Variants in CRTC3 observed in about 807,000 individuals in gnomAD.
CRTC3 encodes CREB regulated transcription coactivator 3, also known as CREB-regulated transcription coactivator 3.
In CRTC3, 26 loss-of-function variants were observed where a neutral mutation model predicts 74.5. The ratio of observed to expected loss-of-function variants is 0.35; its 90% CI spans 0.26 to 0.48. CRTC3 has a LOEUF of 0.48. Ranked by LOEUF, CRTC3 falls within the 20% of genes least tolerant of loss-of-function variation. The pLI is 0.99. For missense variants in CRTC3, 760 were observed against 787.3 expected (o/e 0.97, Z 0.41); for synonymous variants, 377 against 325.8 (o/e 1.16, Z -1.69).
chr15:90,556,958 CTATATATATA>C (rs6145675), intron 2 of CRTC3, among the ~76,000 whole-genome samples: 406 of 130,524 alleles, frequency 3.1e-3, no homozygotes, highest in African/African-American at 0.01. Context: ...CACCACATGG[CTATATATATA>C]TATATATATA....
intron 5 of CRTC3, among the ~76,000 whole-genome samples, chr15:90,606,412 G>T (rs1469390902): frequency 6.6e-6 from 1 of 151,746 alleles, no homozygotes; most frequent in African/African-American, 2.4e-5. Context: ...AAATACAAAA[G>T]TTAGCTGGGC....
chr15:90,574,669 A>G (rs1046947236), intron 2 of CRTC3, among the ~76,000 whole-genome samples: 1 of 152,186 alleles, frequency 6.6e-6, no homozygotes, highest in Non-Finnish European at 1.5e-5. Context: ...TCTCTGCTGT[A>G]TATGAAAGTG....
At chr15:90,573,447 C>T (rs1022734640) in intron 2 of CRTC3, among the ~76,000 whole-genome samples, 3 of 152,166 alleles carry the variant, frequency 2.0e-5, no homozygotes, top group African/African-American at 7.2e-5. Context: ...TGGCCTTAAT[C>T]ATGCCAAGAT....
intron 2 of CRTC3, among the ~76,000 whole-genome samples, chr15:90,574,077 T>G (rs905296074): frequency 2.0e-5 from 3 of 152,242 alleles, no homozygotes; most frequent in African/African-American, 7.2e-5. Context: ...CACCTTTATC[T>G]GTTTTAAAAA....
chr15:90,587,855 C>T (rs1967702308), intron 2 of CRTC3, among the ~76,000 whole-genome samples: 1 of 151,904 alleles, frequency 6.6e-6, no homozygotes, highest in Admixed American at 6.5e-5. Context: ...CTCAAATGAT[C>T]CACCCACATC....
At chr15:90,607,023 C>T (rs934419055) in intron 5 of CRTC3, among the ~76,000 whole-genome samples, 1 of 122,936 alleles carries the variant, frequency 8.1e-6, no homozygotes, top group Non-Finnish European at 1.7e-5. Context: ...TGGAGAAAAC[C>T]TAGTGCAGCC....
At chr15:90,592,274 A>T (rs1967818110) in intron 2 of CRTC3, among the ~76,000 whole-genome samples, 3 of 152,220 alleles carry the variant, frequency 2.0e-5, no homozygotes. Flanking sequence ...GAGGTGATGG[A>T]TATGTTAATA....
In CRTC3 at chr15:90,529,936, C is replaced by T. The variant is rs1156240190; in HGVS notation, c.-136C>T. The T allele has an allele frequency of 1.7e-6, 1 of 573,710 alleles. No individual in the cohort carries two copies. The highest frequency in any genetic ancestry group is 2.3e-6 in the Non-Finnish European group (1 of 444,068). The allele number at this position is 573,710 out of a possible 1,614,324, so 35.5% of individuals were successfully genotyped here. ...CGGCCGCTCGCTGGCTCCGGGGCCGCGGCGGCTCCTCTGCCGGGTCGCGCC... is the reference window on the plus strand; with the variant it reads ...CGGCCGCTCGCTGGCTCCGGGGCCGTGGCGGCTCCTCTGCCGGGTCGCGCC... On this transcript the variant is annotated 5_prime_UTR_variant, in exon 1 of 15. Transcript: ENST00000268184.
chr15:90,636,402 T>G (rs530590729), intron 11 of CRTC3, among the ~76,000 whole-genome samples: 299 of 147,184 alleles, frequency 2.0e-3, no homozygotes, highest in African/African-American at 7.3e-3. Flanking sequence ...ATACAAAAAT[T>G]AATTCAAGAT....
intron 6 of CRTC3, 72 bp from the exon 7 acceptor site, chr15:90,614,381 G>A: frequency 9.0e-7 from 1 of 1,112,804 alleles, no homozygotes; most frequent in Admixed American, 2.0e-5. Context: ...AAGAGTTACT[G>A]ATTCATAAAT....
chr15:90,545,830 G>A lies in CRTC3; in HGVS notation c.231+5693G>A, dbSNP rs765766246. On this transcript the variant is annotated intron_variant, in intron 2 of 14. Transcript: ENST00000268184. ...CCTGACTTTGTGATCCGCCCGCCTT[G>A]GCCTCCCAAAGTGCTGGGATTACAG... Among the ~76,000 whole-genome samples the A allele has an allele frequency of 1.8e-3, 271 of 152,112 alleles. 1 individual carries two copies. The highest frequency in any genetic ancestry group is 3.5e-3 in the Admixed American group (54 of 15,284).
chr15:90,534,508 AGTTC>A (rs1332346478), intron 1 of CRTC3, among the ~76,000 whole-genome samples: 6 of 152,200 alleles, frequency 3.9e-5, no homozygotes, highest in Non-Finnish European at 8.8e-5. Flanking sequence ...TGGTGGCTTA[AGTTC>A]TGTATTTTGC....
intron 1 of CRTC3, among the ~76,000 whole-genome samples, chr15:90,535,148 C>T (rs542378834): frequency 4.3e-4 from 57 of 132,436 alleles, no homozygotes; most frequent in East Asian, 8.7e-4. Flanking sequence ...GCAACAAGAG[C>T]GAAACTCCGT....
intron 2 of CRTC3, among the ~76,000 whole-genome samples, chr15:90,541,731 G>A (rs1432620775): frequency 1.3e-5 from 2 of 151,524 alleles, no homozygotes; most frequent in African/African-American, 2.4e-5. Context: ...GTTCCCCTCC[G>A]GTTGCATTGG....
intron 11 of CRTC3, among the ~76,000 whole-genome samples, chr15:90,633,344 T>G (rs1166917158): frequency 6.6e-6 from 1 of 152,170 alleles, no homozygotes; most frequent in Admixed American, 6.5e-5. Flanking sequence ...TAGCAAAGAG[T>G]GCCTGTGACT....
At chr15:90,563,884 C>T (rs1967066620) in intron 2 of CRTC3, among the ~76,000 whole-genome samples, 2 of 152,082 alleles carry the variant, frequency 1.3e-5, no homozygotes. Context: ...TTCTTCCCGC[C>T]TTCCTTCCTT....
intron 1 of CRTC3, among the ~76,000 whole-genome samples, chr15:90,537,370 A>G (rs965574149): frequency 2.0e-5 from 3 of 152,194 alleles, no homozygotes; most frequent in African/African-American, 7.2e-5. Flanking sequence ...ACAAAGTCAC[A>G]TCATCCGATT....
chr15:90,615,741 A>G (rs533885072), intron 7 of CRTC3, among the ~76,000 whole-genome samples: 1 of 152,146 alleles, frequency 6.6e-6, no homozygotes, highest in South Asian at 2.1e-4. Flanking sequence ...CTTATAACCA[A>G]CCTCTTGTGA....
chr15:90,550,150 T>C (rs1326408013), intron 2 of CRTC3, among the ~76,000 whole-genome samples: 1 of 151,542 alleles, frequency 6.6e-6, no homozygotes, highest in Non-Finnish European at 1.5e-5. Context: ...AAAAATTGGC[T>C]GAGTGTGGTG....
Sources: gnomAD v4.1 joint callset for allele counts (sites outside exome capture counted in the v4.1 genomes callset) on GRCh38, gnomAD v4.1.1 for gene constraint, MANE v1.5 for transcripts, NCBI Gene and HGNC (gene_info 2026-07-23, HGNC 2026-07-21) for gene names.